Variants in ARAP2 observed in about 807,000 individuals in gnomAD.
ARAP2 encodes the protein arf-GAP with Rho-GAP domain, ANK repeat and PH domain-containing protein 2.
A neutral mutation model predicts 194.5 loss-of-function variants in ARAP2; 148 were observed. That is an observed-to-expected ratio of 0.76 (90% CI 0.67 to 0.87). The LOEUF is 0.87. Ranked by LOEUF, ARAP2 falls within the 40% of genes least tolerant of loss-of-function variation. The pLI, the probability that ARAP2 is intolerant of heterozygous loss-of-function variation, is 0.00. For synonymous variants in ARAP2, 695 were observed against 683.5 expected (o/e 1.02, Z -0.26); for missense variants, 2,128 against 1,989.7 (o/e 1.07, Z -1.32).
intron 9 of ARAP2, among the ~76,000 whole-genome samples, chr4:36,169,865 G>C (rs1736209220): frequency 1.3e-5 from 2 of 152,118 alleles, no homozygotes; most frequent in South Asian, 4.1e-4. Context: ...ATATGGTTTT[G>C]AGTAATTAGA....
chr4:36,005,499 G>T (rs1713099302), intron 10 of ARAP2: 1 of 152,022 alleles, frequency 6.6e-6, no homozygotes, highest in African/African-American at 2.4e-5. Context: ...AGCAAATTCA[G>T]GTGGCTTTAT....
At chr4:36,230,537 C>T (rs1751243644) in intron 1 of ARAP2, among the ~76,000 whole-genome samples, 2 of 152,176 alleles carry the variant, frequency 1.3e-5, no homozygotes, top group African/African-American at 2.4e-5. Flanking sequence ...CTCCAATGTA[C>T]ATAGCAGATT....
In ARAP2 at chr4:36,133,247, T is replaced by C. The variant is rs1725850951; in HGVS notation, c.3406A>G (p.Ile1136Val). The C allele has an allele frequency of 1.2e-6, 2 of 1,610,896 alleles. No individual in the cohort carries two copies. Among genetic ancestry groups the C allele is most frequent in the Non-Finnish European group, 1.7e-6 (2 of 1,178,012 alleles). ...NDVPIIVNSC[I>V]AFVTQYGLGC... ...TTACCATACTGTGTAACAAATGCTA[T>C]ACAGCTGTTCACTATAATGGGAACG... is the stretch of plus-strand genomic sequence containing the variant. Residue 1136 changes from isoleucine to valine, a missense_variant, in exon 20 of 33, where the codon ATA (isoleucine) becomes GTA (valine). By Grantham distance (29) the Ile-to-Val change is conservative (BLOSUM62 3). Transcript: ENST00000303965.
chr4:36,221,611 G>A (rs1277042787), intron 2 of ARAP2, among the ~76,000 whole-genome samples: 1 of 151,966 alleles, frequency 6.6e-6, no homozygotes, highest in Non-Finnish European at 1.5e-5. Flanking sequence ...AATAAAATGT[G>A]AAGAAAAAAG....
chr4:36,022,858 GA>G (rs1321202173), intron 5 of ARAP2, among the ~76,000 whole-genome samples: 1 of 152,158 alleles, frequency 6.6e-6, no homozygotes, highest in African/African-American at 2.4e-5. Flanking sequence ...TGTAAAAAGA[GA>G]AAACTTAGAA....
At chr4:36,115,128 A>T (rs892945987) in intron 25 of ARAP2, among the ~76,000 whole-genome samples, 1 of 152,044 alleles carries the variant, frequency 6.6e-6, no homozygotes, top group Non-Finnish European at 1.5e-5. Context: ...TCTCTTGACC[A>T]TAATTACCCA....
intron 9 of ARAP2, among the ~76,000 whole-genome samples, chr4:36,007,978 G>C (rs1169201994): frequency 6.6e-6 from 1 of 151,786 alleles, no homozygotes; most frequent in Non-Finnish European, 1.5e-5. Flanking sequence ...TAGAAATACA[G>C]ATAACCAAAG....
At position 36,067,507 on chromosome 4, in the gene ARAP2, G is replaced by T. The variant is rs1714178341; in HGVS notation, c.*400C>A. ...AACATATGGTAATTTAATATACAAG[G>T]TTTCTCAAAGTGCAAAATATGTTAC... On this transcript the variant is annotated 3_prime_UTR_variant, in exon 33 of 33. Transcript: ENST00000303965. 1 of 154,128 alleles carries T rather than the reference G, an allele frequency of 6.5e-6. No individual in the cohort carries two copies. Among genetic ancestry groups the T allele is most frequent in the South Asian group, 2.1e-4 (1 of 4,848 alleles). 9.5% of individuals were successfully genotyped at this position (154,128 alleles called of 1,614,324 possible).
At chr4:36,160,351 T>C (rs772887911) in intron 13 of ARAP2, 108 bp downstream of exon 13, 3 of 1,268,234 alleles carry the variant, frequency 2.4e-6, no homozygotes, top group Non-Finnish European at 3.0e-6. Flanking sequence ...AAAATAAAAT[T>C]AATAATTTTG....
intron 24 of ARAP2, among the ~76,000 whole-genome samples, chr4:36,119,008 T>C (rs1577954988): frequency 6.6e-6 from 1 of 151,508 alleles, no homozygotes; most frequent in East Asian, 2.0e-4. Context: ...TTTATATTGG[T>C]ACCCTGAATC....
chr4:36,150,259 T>A (rs1376535720), intron 16 of ARAP2, among the ~76,000 whole-genome samples: 1 of 152,206 alleles, frequency 6.6e-6, no homozygotes, highest in African/African-American at 2.4e-5. Flanking sequence ...ACTCATTAAA[T>A]GAATAAATGA....
At chr4:36,240,357 A>C (rs1753281399) in intron 1 of ARAP2, among the ~76,000 whole-genome samples, 1 of 152,206 alleles carries the variant, frequency 6.6e-6, no homozygotes, top group South Asian at 2.1e-4. Context: ...ATAAACCCAC[A>C]ATGCACCTAA....
intron 9 of ARAP2, among the ~76,000 whole-genome samples, chr4:36,175,673 G>A (rs1028956742): frequency 3.9e-5 from 6 of 152,064 alleles, no homozygotes; most frequent in East Asian, 1.9e-4. Flanking sequence ...ATATATGTAC[G>A]TTAACGCATA....
At chr4:36,239,876 T>G (rs1034348693) in intron 1 of ARAP2, among the ~76,000 whole-genome samples, 1 of 152,188 alleles carries the variant, frequency 6.6e-6, no homozygotes, top group Non-Finnish European at 1.5e-5. Flanking sequence ...GGACTTTTTT[T>G]CTCTCCTTTG....
At chr4:36,161,146 AACACACACACAC>A (rs36207295) in intron 12 of ARAP2, among the ~76,000 whole-genome samples, 11 of 147,890 alleles carry the variant, frequency 7.4e-5, no homozygotes, top group South Asian at 2.1e-4. Context: ...CACACACACA[AACACACACACAC>A]ACACACACAC....
chr4:36,224,300 T>TA (rs1749813214), intron 2 of ARAP2, among the ~76,000 whole-genome samples: 1 of 105,422 alleles, frequency 9.5e-6, no homozygotes, highest in African/African-American at 4.5e-5. Context: ...TAGAGTGAAA[T>TA]TAAAAAAAAA....
chr4:36,057,654 T>G (rs908439112), intron 2 of ARAP2, among the ~76,000 whole-genome samples: 3 of 152,108 alleles, frequency 2.0e-5, no homozygotes, highest in Admixed American at 2.0e-4. Flanking sequence ...GTTTTTAACT[T>G]TAGTTACTAT....
chr4:36,142,646 C>T (rs2109673764), intron 19 of ARAP2, among the ~76,000 whole-genome samples: 1 of 151,534 alleles, frequency 6.6e-6, no homozygotes, highest in South Asian at 2.1e-4. Context: ...TTTGAGACAC[C>T]CTCTTCCTGG....
At chr4:36,119,856 C>T (rs895121353) in intron 23 of ARAP2, 138 bp from the exon 24 acceptor site, 3 of 547,668 alleles carry the variant, frequency 5.5e-6, no homozygotes, top group Admixed American at 3.1e-5. Context: ...TCAATATGAG[C>T]CCACACAGCT....
Sources: allele counts gnomAD v4.1 joint callset (sites outside exome capture counted in the v4.1 genomes callset), GRCh38; gene constraint gnomAD v4.1.1; transcripts MANE v1.5; gene names NCBI Gene and HGNC (gene_info 2026-07-23, HGNC 2026-07-21).